ARSK: variants seen among roughly 807,000 people sequenced by gnomAD.
The protein encoded by ARSK is arylsulfatase family member K.
ARSK carries 37 observed loss-of-function variants against 53.2 expected under a neutral mutation model. The observed-to-expected ratio is 0.70, with a 90% CI of 0.54 to 0.92. The LOEUF (loss-of-function observed/expected upper bound fraction) is 0.92, where lower values mean the gene tolerates loss of function less well. Among genes scored for constraint, ARSK ranks in the 40% least tolerant of loss-of-function variants. ARSK has a pLI of 0.00. For synonymous variants in ARSK, 208 were observed against 223.2 expected (o/e 0.93, Z 0.61); for missense variants, 613 against 643.0 (o/e 0.95, Z 0.51).
chr5:95,586,740 G>T lies in ARSK; in HGVS notation c.871+7G>T. On this transcript the variant is annotated splice_region_variant and intron_variant, in intron 5 of 7. Transcript: ENST00000380009. Reference sequence around the variant, plus strand: ...GAGACAGATGCCATGCTTGGTAGGTGGTATAATTAATAAGCAATTACATGA... The same window carrying T: ...GAGACAGATGCCATGCTTGGTAGGTTGTATAATTAATAAGCAATTACATGA... 1 of 1,565,096 alleles carries T rather than the reference G, an allele frequency of 6.4e-7. No individual in the cohort carries two copies. Among genetic ancestry groups the T allele is most frequent in the South Asian group, 1.2e-5 (1 of 81,886 alleles).
At chr5:95,602,577 C>G (rs1253402932) in intron 7 of ARSK, among the ~76,000 whole-genome samples, 3 of 152,178 alleles carry the variant, frequency 2.0e-5, no homozygotes, top group Non-Finnish European at 4.4e-5. Context: ...CATAAGATCT[C>G]TGACTTGCTG....
chr5:95,573,047 A>G (rs1748861897), intron 3 of ARSK, among the ~76,000 whole-genome samples: 1 of 152,172 alleles, frequency 6.6e-6, no homozygotes, highest in East Asian at 1.9e-4. Flanking sequence ...TTCCCTAACA[A>G]AGAATCATCA....
intron 1 of ARSK, among the ~76,000 whole-genome samples, chr5:95,560,614 A>T (rs1334383927): frequency 6.6e-6 from 1 of 152,080 alleles, no homozygotes; most frequent in Non-Finnish European, 1.5e-5. Flanking sequence ...TCTTTTAAAC[A>T]AATGGTGCTG....
At chr5:95,579,352 G>C (rs1580222807) in intron 3 of ARSK, among the ~76,000 whole-genome samples, 1 of 152,300 alleles carries the variant, frequency 6.6e-6, no homozygotes, top group Middle Eastern at 3.4e-3. Context: ...CATGTGGCTT[G>C]GGAGGCCTCA....
intron 6 of ARSK, among the ~76,000 whole-genome samples, chr5:95,594,691 A>C (rs1749273941): frequency 6.6e-6 from 1 of 152,146 alleles, no homozygotes; most frequent in Non-Finnish European, 1.5e-5. Flanking sequence ...AATGCAAAAA[A>C]TTAGCTGGCG....
At chr5:95,557,994 A>G (rs914930471) in intron 1 of ARSK, among the ~76,000 whole-genome samples, 1 of 152,222 alleles carries the variant, frequency 6.6e-6, no homozygotes, top group East Asian at 1.9e-4. Flanking sequence ...GCAGTGAACT[A>G]TAGTTTTGAC....
chr5:95,556,465 A>G lies in ARSK; in HGVS notation c.126+1061A>G, dbSNP rs1292508986. Reference sequence around the variant, plus strand: ...TATGGTGCTTCAGAGCTGCTTTCCAATAGGAGTGAGGAGAACAGACCTTTC... The same window carrying G: ...TATGGTGCTTCAGAGCTGCTTTCCAGTAGGAGTGAGGAGAACAGACCTTTC... On this transcript the variant is annotated intron_variant, in intron 1 of 7. Coordinates refer to ENST00000380009, the MANE Select transcript of ARSK (RefSeq NM_198150.3). 1.7e-5 allele frequency: 9 copies of G among 520,764 alleles called. No homozygotes were observed. The East Asian group carries it at 2.3e-4, about 13-fold the overall frequency. The allele number at this position is 520,764 out of a possible 1,614,324, so 32.3% of individuals were successfully genotyped here. A position where few individuals can be genotyped will look rare whatever the true frequency, so the allele number is the denominator to read the frequency against.
At chr5:95,591,723 C>G in intron 6 of ARSK, 98 bp downstream of exon 6, 1 of 1,121,182 alleles carries the variant, frequency 8.9e-7, no homozygotes, top group East Asian at 2.4e-5. Flanking sequence ...AGTCAGAGGT[C>G]CTGCTGACTT....
intron 7 of ARSK, among the ~76,000 whole-genome samples, chr5:95,602,100 A>C (rs1295585147): frequency 6.6e-6 from 1 of 152,156 alleles, no homozygotes; most frequent in Non-Finnish European, 1.5e-5. Context: ...CAGCATAAGG[A>C]AGTCTCCTCT....
Position 95,555,244 on chromosome 5 carries a change from G to C in ARSK, c.-35G>C. 6.4e-7 allele frequency: 1 copy of C among 1,559,982 alleles called. No individual in the cohort carries two copies. Among genetic ancestry groups the C allele is most frequent in the Non-Finnish European group, 8.7e-7 (1 of 1,154,682 alleles). On this transcript the variant is annotated 5_prime_UTR_variant, in exon 1 of 8. Transcript: ENST00000380009. This position sits in a 1 kb window ranked among gnomAD's most constrained non-coding sequence, Gnocchi z 4.0. ...GAGAGAACGCCAGAGGGAGGCGGCT[G>C]GCCCGGCGGCAGGCTCTCAGAACCG...
intron 1 of ARSK, among the ~76,000 whole-genome samples, chr5:95,563,637 T>A (rs187537605): frequency 3.3e-5 from 5 of 152,332 alleles, no homozygotes; most frequent in African/African-American, 4.8e-5. Context: ...TAACATCGAT[T>A]TTAATCTGAC....
intron 6 of ARSK, among the ~76,000 whole-genome samples, chr5:95,595,809 T>G (rs573394876): frequency 1.1e-4 from 17 of 152,280 alleles, no homozygotes; most frequent in African/African-American, 4.1e-4. Flanking sequence ...AACCTGCACA[T>G]GTACCCACTG....
chr5:95,587,622 G>A (rs1290312463), intron 5 of ARSK, among the ~76,000 whole-genome samples: 7 of 152,182 alleles, frequency 4.6e-5, no homozygotes, highest in African/African-American at 1.7e-4. Context: ...GTATTGGCCA[G>A]GTATAAAAAT....
chr5:95,593,420 C>T (rs1394597628), intron 6 of ARSK, among the ~76,000 whole-genome samples: 1 of 152,160 alleles, frequency 6.6e-6, no homozygotes, highest in East Asian at 1.9e-4. Flanking sequence ...AATTCTTAGA[C>T]ATTCTGTCAT....
intron 1 of ARSK, among the ~76,000 whole-genome samples, chr5:95,565,639 G>A (rs1042400503): frequency 5.9e-5 from 9 of 152,056 alleles, no homozygotes; most frequent in African/African-American, 1.4e-4. Context: ...CCACTAGACT[G>A]TAAGCTTCAT....
chr5:95,557,256 G>T (rs1280098445), intron 1 of ARSK, among the ~76,000 whole-genome samples: 1 of 152,082 alleles, frequency 6.6e-6, no homozygotes, highest in African/African-American at 2.4e-5. Context: ...CTGAGTGTTA[G>T]GGTGTTCATT....
intron 1 of ARSK, among the ~76,000 whole-genome samples, chr5:95,562,853 G>T (rs913106791): frequency 6.6e-6 from 1 of 152,218 alleles, no homozygotes; most frequent in African/African-American, 2.4e-5. Context: ...TGGGCTATTA[G>T]TAAGTTATAG....
At chr5:95,597,697 C>T (rs1272838564) in intron 6 of ARSK, among the ~76,000 whole-genome samples, 1 of 152,092 alleles carries the variant, frequency 6.6e-6, no homozygotes, top group East Asian at 1.9e-4. Context: ...AGTTCAAGAC[C>T]AGCCTGGCCA....
At chr5:95,591,678 A>G (rs796636055) in intron 6 of ARSK, 53 bp downstream of exon 6, 1 of 1,570,772 alleles carries the variant, frequency 6.4e-7, no homozygotes, top group Non-Finnish European at 8.8e-7. Context: ...GGAGAATGCA[A>G]CTGAAGTTGT....
Sources: gnomAD v4.1 joint callset for allele counts (sites outside exome capture counted in the v4.1 genomes callset) on GRCh38, gnomAD v4.1.1 for gene constraint, Gnocchi (gnomAD v3.1) non-coding constraint, MANE v1.5 for transcripts, NCBI Gene and HGNC (gene_info 2026-07-23, HGNC 2026-07-21) for gene names.